Variants in MASTL observed in about 807,000 individuals in gnomAD.
MASTL encodes the protein serine/threonine-protein kinase greatwall.
MASTL carries 54 observed loss-of-function variants against 82.5 expected under a neutral mutation model. The observed-to-expected ratio is 0.65, with a 90% CI of 0.53 to 0.82. MASTL has a LOEUF of 0.82. Among genes scored for constraint, MASTL ranks in the 40% least tolerant of loss-of-function variants. The pLI is 0.00. For missense variants in MASTL, 950 were observed against 1,047.8 expected, an observed-to-expected ratio of 0.91 and a Z score of 1.29; for synonymous variants, 323 against 368.9, an observed-to-expected ratio of 0.88 and a Z score of 1.43.
In MASTL at chr10:27,167,249, G is replaced by A. The variant is rs1210404056; in HGVS notation, c.959G>A (p.Ser320Asn). The A allele has an allele frequency of 3.7e-6, 6 of 1,614,068 alleles. No individual in the cohort carries two copies. In the East Asian group the frequency reaches 1.1e-4, roughly 30 times the overall value. The change falls in exon 7 of 12, where the codon AGT becomes AAT. Residue 320 changes from serine to asparagine, a missense_variant. Ser to Asn is a conservative substitution (Grantham distance 46). Transcript: ENST00000375940. ...ISSVESECHSSPKWEKDCQES... is the reference protein window; with the variant it reads ...ISSVESECHSNPKWEKDCQES... ...AGTGTGGAATCAGAATGCCACAGCAGTCCCAAATGGGAAAAAGATTGCCAG... is the reference window on the plus strand; with the variant it reads ...AGTGTGGAATCAGAATGCCACAGCAATCCCAAATGGGAAAAAGATTGCCAG...
intron 9 of MASTL, among the ~76,000 whole-genome samples, chr10:27,173,956 C>T (rs2058027014): frequency 6.6e-6 from 1 of 152,122 alleles, no homozygotes; most frequent in South Asian, 2.1e-4. Flanking sequence ...AATTTCTGTT[C>T]AGTCTTCAGA....
intron 11 of MASTL, among the ~76,000 whole-genome samples, chr10:27,185,383 A>G (rs2058633392): frequency 1.3e-5 from 2 of 152,262 alleles, no homozygotes; most frequent in South Asian, 4.1e-4. Context: ...CTATAATCCC[A>G]GCACTTTGGG....
In MASTL at chr10:27,170,623, G is replaced by T. The variant is rs774942539; in HGVS notation, c.1664G>T (p.Cys555Phe). 6.2e-7 allele frequency: 1 copy of T among 1,607,414 alleles called. No individual in the cohort carries two copies. The highest frequency in any genetic ancestry group is 1.1e-5 in the South Asian group (1 of 89,668). ...GACTACTTAAGTTCTAGTTTTCTAT[G>T]TTCTGATGATGATAGAGCTTCTAAA... ...KRDYLSSSFL[C>F]SDDDRASKNI... is the part of the protein sequence containing the mutation. Residue 555 changes from cysteine (C) to phenylalanine (F), a missense_variant, in exon 8 of 12, where the codon TGT becomes TTT. By Grantham distance (205) the Cys-to-Phe change is radical. Coordinates refer to ENST00000375940, the MANE Select transcript of MASTL (RefSeq NM_001172303.3).
intron 11 of MASTL, among the ~76,000 whole-genome samples, chr10:27,184,026 A>G (rs953675000): frequency 6.6e-6 from 1 of 151,950 alleles, no homozygotes; most frequent in African/African-American, 2.4e-5. Flanking sequence ...TTGTTTACTC[A>G]CTGATTTAAC....
chr10:27,168,272 A>C (rs1459971596), intron 7 of MASTL, among the ~76,000 whole-genome samples: 1 of 152,224 alleles, frequency 6.6e-6, no homozygotes, highest in African/African-American at 2.4e-5. Flanking sequence ...CAAGATAAAC[A>C]GATTTCCATT....
rs140712249 is a variant in MASTL at position 27,172,306 on chromosome 10, C to G, written c.2125-812C>G. Among the ~76,000 whole-genome samples, 1,087 of 152,226 alleles carry G rather than the reference C, an allele frequency of 7.1e-3. 7 individuals carry two copies. The highest frequency in any genetic ancestry group is 0.017 in the Middle Eastern group (5 of 294). On this transcript the variant is annotated intron_variant, in intron 8 of 11. Transcript: ENST00000375940. ...ATTAAATGACTTAGAAGTCCCTTAA[C>G]CTCAGACCTGCAATTTTTCTAAATG...
At chr10:27,168,195 TTAAC>T (rs2057799959) in intron 7 of MASTL, among the ~76,000 whole-genome samples, 1 of 152,218 alleles carries the variant, frequency 6.6e-6, no homozygotes, top group South Asian at 2.1e-4. Context: ...AAATTAACGT[TTAAC>T]TAAGGCAGAG....
chr10:27,160,522 G>A (rs930127480), intron 3 of MASTL, among the ~76,000 whole-genome samples: 27 of 151,906 alleles, frequency 1.8e-4, no homozygotes, highest in Admixed American at 1.6e-3. Flanking sequence ...AGGCTGAGGC[G>A]GGCGGATCAC....
At chr10:27,186,094 A>G (rs563186392) in intron 11 of MASTL, among the ~76,000 whole-genome samples, 1 of 152,280 alleles carries the variant, frequency 6.6e-6, no homozygotes, top group Non-Finnish European at 1.5e-5. Flanking sequence ...GTCTCAAAAA[A>G]AAAGCTGTGA....
chr10:27,183,013 C>A (rs138968363), intron 11 of MASTL, among the ~76,000 whole-genome samples: 109 of 152,036 alleles, frequency 7.2e-4, no homozygotes, highest in African/African-American at 2.5e-3. Flanking sequence ...TACAGGAAAT[C>A]TTTTTTTATG....
chr10:27,155,323 A>G, upstream of MASTL: 2 of 1,221,464 alleles, frequency 1.6e-6, no homozygotes, highest in Non-Finnish European at 2.3e-6. Flanking sequence ...GGGTGACGTC[A>G]CGGCCGCGCG....
intron 4 of MASTL, among the ~76,000 whole-genome samples, chr10:27,161,618 T>C (rs2057576848): frequency 6.6e-6 from 1 of 152,162 alleles, no homozygotes; most frequent in South Asian, 2.1e-4. Flanking sequence ...TCTTTGTTAG[T>C]TTACACTAAA....
chr10:27,169,865 C>T lies in MASTL; in HGVS notation c.985-79C>T. 12 of 1,430,462 alleles carry T rather than the reference C, an allele frequency of 8.4e-6. No individual in the cohort carries two copies. In the South Asian group the frequency reaches 1.4e-4, roughly 17 times the overall value. 88.6% of individuals were successfully genotyped at this position (1,430,462 alleles called of 1,614,324 possible). A position where few individuals can be genotyped will look rare whatever the true frequency, so the allele number is the denominator to read the frequency against. On this transcript the variant is annotated intron_variant, in intron 7 of 11. Coordinates refer to ENST00000375940, the MANE Select transcript of MASTL (RefSeq NM_001172303.3). The stretch of plus-strand genomic sequence containing the variant: ...ATAATAGTTTATGGGGTCATTTATC[C>T]TACCTTAACGGACCATAGTTAAAAG...
rs879120661 is a variant in MASTL, at chr10:27,165,272, T to A, written c.660+102T>A. On this transcript the variant is annotated intron_variant, in intron 5 of 11. Coordinates refer to ENST00000375940, the MANE Select transcript of MASTL (RefSeq NM_001172303.3). ...AAAAAGATCAAAATAGATTTAAATA[T>A]CAAGCATTTGGATTTACTTTAACAG... 1.4e-5 allele frequency: 19 copies of A among 1,394,020 alleles called. No homozygotes were observed. In the South Asian group the frequency reaches 1.9e-4, roughly 14 times the overall value. 86.4% of individuals were successfully genotyped at this position (1,394,020 alleles called of 1,614,324 possible).
chr10:27,163,152 G>A (rs544965929), intron 4 of MASTL, among the ~76,000 whole-genome samples: 2 of 152,084 alleles, frequency 1.3e-5, no homozygotes, highest in African/African-American at 2.4e-5. Context: ...CCTGACCTCA[G>A]GTGGTTCACC....
chr10:27,155,472 G>T lies in MASTL; in HGVS notation c.46G>T (p.Ala16Ser). The T allele has an allele frequency of 6.2e-7, 1 of 1,613,728 alleles. No individual in the cohort carries two copies. Among genetic ancestry groups the T allele is most frequent in the Non-Finnish European group, 8.5e-7 (1 of 1,179,886 alleles). Residue 16 changes from alanine (A) to serine (S), a missense_variant, in exon 1 of 12, where the codon GCG becomes TCG. Transcript: ENST00000375940. ...GSKKEPGGGA[A>S]TEEGVNRIAV... is the part of the protein sequence containing the mutation. ...CAAGAAGGAGCCTGGAGGAGGCGCG[G>T]CGACTGAGGAGGGCGTGAATAGGAT...
At position 27,159,770 on chromosome 10, in the gene MASTL, C is replaced by G; in HGVS notation, c.464+12C>G. The G allele has an allele frequency of 3.1e-6, 5 of 1,607,006 alleles. No homozygotes were observed. The highest frequency in any genetic ancestry group is 4.3e-6 in the Non-Finnish European group (5 of 1,174,294). The stretch of plus-strand genomic sequence containing the variant: ...GGAATCATCCACAGGTAAAGACTGA[C>G]TTCTCCAAATTATTACTTAAAAATT... On this transcript the variant is annotated intron_variant, in intron 3 of 11. Coordinates refer to ENST00000375940, the MANE Select transcript of MASTL (RefSeq NM_001172303.3). This position sits in a 1 kb window ranked among gnomAD's most constrained non-coding sequence, Gnocchi z 4.0.
intron 11 of MASTL, 76 bp from the exon 12 acceptor site, chr10:27,186,303 T>C: frequency 4.3e-6 from 6 of 1,404,376 alleles, no homozygotes; most frequent in South Asian, 3.5e-5. Flanking sequence ...GACATTCTCT[T>C]TTTATAATAA....
At position 27,155,406 on chromosome 10, in the gene MASTL, G is replaced by T. The variant is rs1312309681; in HGVS notation, c.-21G>T. 6.3e-7 allele frequency: 1 copy of T among 1,587,290 alleles called. No individual in the cohort carries two copies. Among genetic ancestry groups the T allele is most frequent in the Non-Finnish European group, 8.6e-7 (1 of 1,168,478 alleles). ...CTCGCGGAGGGGCAGTGTCTGCGGG[G>T]CCGCTGTATGCTGTCCAGCGATGGA... is the stretch of plus-strand genomic sequence containing the variant. On this transcript the variant is annotated 5_prime_UTR_variant, in exon 1 of 12. Transcript: ENST00000375940.
Sources: allele counts gnomAD v4.1 joint callset (sites outside exome capture counted in the v4.1 genomes callset), GRCh38; gene constraint gnomAD v4.1.1; non-coding constraint Gnocchi (gnomAD v3.1); transcripts MANE v1.5; gene names NCBI Gene and HGNC (gene_info 2026-07-23, HGNC 2026-07-21).